The following MYO16 variants were observed in gnomAD, a reference collection of about 807,000 sequenced individuals.
The protein encoded by MYO16 is unconventional myosin-XVI.
A neutral mutation model predicts 205.3 loss-of-function variants in MYO16; 94 were observed. The ratio of observed to expected loss-of-function variants is 0.46; its 90% CI spans 0.39 to 0.54. MYO16 has a LOEUF of 0.54. MYO16 is among the 20% of genes least tolerant of loss of function. The pLI, the probability that MYO16 is intolerant of heterozygous loss-of-function variation, is 0.00. For missense variants in MYO16, 2,315 were observed against 2,387.5 expected (o/e 0.97, Z 0.63); for synonymous variants, 988 against 954.0 (o/e 1.04, Z -0.66).
rs151203836 is a variant in MYO16, at chr13:109,017,195, A to G, written c.2596-2516A>G. On this transcript the variant is annotated intron_variant, in intron 22 of 34. Coordinates refer to ENST00000457511, the MANE Select transcript of MYO16 (RefSeq NM_001198950.3). ...AATCTCTCAGCATTTGCTTGTCTAT[A>G]AAGGATTTTATTTCTCCTTCATTTA... 2.3e-3 allele frequency among the ~76,000 whole-genome samples: 345 copies of G among 152,270 alleles called. 9 individuals carry two copies. The East Asian group carries it at 0.05, about 22-fold the overall frequency.
intron 1 of MYO16, among the ~76,000 whole-genome samples, chr13:108,611,803 T>G (rs186297536): frequency 1.3e-5 from 2 of 151,002 alleles, no homozygotes; most frequent in East Asian, 3.9e-4. Context: ...AAAAAAAAAA[T>G]GGAATTGAAG....
At chr13:108,505,009 A>G in the MYO16 span, among the ~76,000 whole-genome samples, 2 of 152,208 alleles carry the variant, frequency 1.3e-5, no homozygotes, top group African/African-American at 2.4e-5. Flanking sequence ...AAGGCTGAAT[A>G]ATACTCCATT....
In MYO16 at chr13:108,854,155, G is replaced by A. The variant is rs146184749; in HGVS notation, c.1249-1288G>A. ...ATTACAGGCATGTGCCACCATGCCC[G>A]GCTAATTTTTTTTGTATTTTTAGTA... is the stretch of plus-strand genomic sequence containing the variant. On this transcript the variant is annotated intron_variant, in intron 10 of 34. Coordinates refer to ENST00000457511, the MANE Select transcript of MYO16 (RefSeq NM_001198950.3). 6.6e-5 allele frequency among the ~76,000 whole-genome samples: 10 copies of A among 152,034 alleles called. 1 individual carries two copies. The South Asian group carries it at 8.3e-4, about 13-fold the overall frequency.
At chr13:108,911,343 G>A (rs543412021) in intron 16 of MYO16, among the ~76,000 whole-genome samples, 1 of 152,198 alleles carries the variant, frequency 6.6e-6, no homozygotes, top group East Asian at 1.9e-4. Flanking sequence ...AATAAATGAG[G>A]GTTGGGGAAC....
chr13:108,610,605 G>A (rs1001959977), intron 1 of MYO16, among the ~76,000 whole-genome samples: 2 of 152,108 alleles, frequency 1.3e-5, no homozygotes, highest in African/African-American at 4.8e-5. Flanking sequence ...GTGCGATGTC[G>A]AAGTTATACA....
chr13:109,140,835 G>T lies in MYO16; in HGVS notation c.4623G>T (p.Leu1541=). The T allele has an allele frequency of 6.3e-7, 1 of 1,595,180 alleles. No homozygotes were observed. The highest frequency in any genetic ancestry group is 2.3e-5 in the East Asian group (1 of 42,562). ...TGACACCCCTGGAGGTGAAGAAGCT[G>T]CCAGTCCTGGAGACCAACCTCAAGT... is the stretch of plus-strand genomic sequence containing the variant. ...SPLTPLEVKK[L]PVLETNLKYP... Residue 1541 remains leucine, a synonymous_variant, in exon 32 of 35, where the codon CTG becomes CTT. Transcript: ENST00000457511. This position sits in a 1 kb window ranked among gnomAD's most constrained non-coding sequence, Gnocchi z 8.0.
At chr13:109,082,889 G>T (rs1173234182) in intron 27 of MYO16, among the ~76,000 whole-genome samples, 1 of 152,100 alleles carries the variant, frequency 6.6e-6, no homozygotes, top group Admixed American at 6.5e-5. Flanking sequence ...AGATGCTAAG[G>T]CAGAGGGGCT....
chr13:108,774,109 CAATAA>C (rs148069280), intron 4 of MYO16, among the ~76,000 whole-genome samples: 27,534 of 151,554 alleles, frequency 0.18, 2,721 homozygotes, highest in Middle Eastern at 0.22. Context: ...AAATAAATAA[CAATAA>C]AATAAAATAA....
At chr13:108,500,455 C>G in the MYO16 span, among the ~76,000 whole-genome samples, 2 of 151,780 alleles carry the variant, frequency 1.3e-5, no homozygotes, top group South Asian at 4.2e-4. Context: ...GTCTTGAACT[C>G]CTGACATCGT....
intron 14 of MYO16, among the ~76,000 whole-genome samples, chr13:108,893,387 G>A (rs909608234): frequency 2.7e-5 from 4 of 149,926 alleles, no homozygotes; most frequent in African/African-American, 9.8e-5. Flanking sequence ...CCTGTCTGCT[G>A]TAAGAATTTA....
intron 10 of MYO16, among the ~76,000 whole-genome samples, chr13:108,854,303 A>G (rs892997673): frequency 2.6e-5 from 4 of 152,032 alleles, no homozygotes; most frequent in African/African-American, 9.7e-5. Flanking sequence ...CTGTGTTTCT[A>G]TTATTAATGC....
the MYO16 span, among the ~76,000 whole-genome samples, chr13:108,530,181 G>A: frequency 1.3e-5 from 2 of 152,276 alleles, no homozygotes; most frequent in South Asian, 4.1e-4. Flanking sequence ...TAAGTTATAT[G>A]GGGGAAATCT....
At chr13:108,592,162 G>T, upstream of MYO16, among the ~76,000 whole-genome samples, 1 of 122,652 alleles carries the variant, frequency 8.2e-6, no homozygotes, top group Non-Finnish European at 1.7e-5. Context: ...AGTGTGTTTG[G>T]GGTATGGAGG....
chr13:108,718,202 TA>T (rs1219004239), intron 3 of MYO16, among the ~76,000 whole-genome samples: 1 of 152,092 alleles, frequency 6.6e-6, no homozygotes, highest in Non-Finnish European at 1.5e-5. Context: ...AGAAAATGCC[TA>T]GAGAAATATC....
At chr13:109,049,992 A>G (rs1289013229) in intron 24 of MYO16, among the ~76,000 whole-genome samples, 1 of 134,990 alleles carries the variant, frequency 7.4e-6, no homozygotes, top group Non-Finnish European at 1.6e-5. Context: ...TTTCTGAATC[A>G]TTTGAAAGTA....
In MYO16 at chr13:109,204,223, A is replaced by C. The variant is rs539655831; in HGVS notation, c.5416-2386A>C. On this transcript the variant is annotated intron_variant, in intron 34 of 34. Coordinates refer to ENST00000457511, the MANE Select transcript of MYO16 (RefSeq NM_001198950.3). The stretch of plus-strand genomic sequence containing the variant: ...CTCAGTTTGTTTTCTAAATAAATGA[A>C]TATGAAGTTGTGTCATTTAGGAAAC... Among the ~76,000 whole-genome samples the C allele has an allele frequency of 7.2e-5, 11 of 152,374 alleles. No homozygotes were observed. The South Asian group carries it at 2.1e-3, about 29-fold the overall frequency.
intron 4 of MYO16, among the ~76,000 whole-genome samples, chr13:108,752,647 CT>C (rs551153441): frequency 7.8e-4 from 106 of 135,706 alleles, no homozygotes; most frequent in Middle Eastern, 3.8e-3. Flanking sequence ...TTTTTCTTTT[CT>C]TTTTTTTTTT....
At chr13:108,967,048 G>GTA (rs765171451) in intron 20 of MYO16, among the ~76,000 whole-genome samples, 49 of 151,480 alleles carry the variant, frequency 3.2e-4, no homozygotes, top group East Asian at 7.7e-4. Flanking sequence ...ATTTATTACT[G>GTA]TATATATATA....
intron 13 of MYO16, among the ~76,000 whole-genome samples, chr13:108,888,066 G>A (rs1879986874): frequency 6.6e-6 from 1 of 152,130 alleles, no homozygotes; most frequent in African/African-American, 2.4e-5. Context: ...GTTCTACCCT[G>A]TGAGATACTG....
Sources: gnomAD v4.1 joint callset for allele counts (sites outside exome capture counted in the v4.1 genomes callset) on GRCh38, gnomAD v4.1.1 for gene constraint, Gnocchi (gnomAD v3.1) non-coding constraint, MANE v1.5 for transcripts, NCBI Gene and HGNC (gene_info 2026-07-23, HGNC 2026-07-21) for gene names.